Variants in FYCO1 observed in about 807,000 individuals in gnomAD.
The protein encoded by FYCO1 is FYVE and coiled-coil domain autophagy adaptor 1, also known as FYVE and coiled-coil domain-containing protein 1.
In FYCO1, 122 loss-of-function variants were observed where a neutral mutation model predicts 165.1. That is an observed-to-expected ratio of 0.74 (90% CI 0.64 to 0.86). The LOEUF is 0.86. Ranked by LOEUF, FYCO1 falls within the 40% of genes least tolerant of loss-of-function variation. FYCO1 has a pLI of 0.00. For synonymous variants in FYCO1, 648 were observed against 742.5 expected (o/e 0.87, Z 2.07); for missense variants, 1,702 against 1,810.3 (o/e 0.94, Z 1.09).
chr3:45,966,523 T>C lies in FYCO1; in HGVS notation c.2811A>G (p.Lys937=), dbSNP rs1706027082. 1 of 1,613,232 alleles carries C rather than the reference T, an allele frequency of 6.2e-7. No homozygotes were observed. The highest frequency in any genetic ancestry group is 1.1e-5 in the South Asian group (1 of 91,078). The change falls in exon 8 of 18, where the codon AAA becomes AAG. Residue 937 remains lysine, a synonymous_variant. Transcript: ENST00000296137. ...CCTCTCGCTCCCTTGAGGCTGCCTCTTTGGCGTCCTGGAGCTCCTGGACAG... is the reference window on the plus strand; with the variant it reads ...CCTCTCGCTCCCTTGAGGCTGCCTCCTTGGCGTCCTGGAGCTCCTGGACAG... The part of the protein sequence containing the change: ...ACAVQELQDA[K]EAASREREGL...
At chr3:45,930,973 G>A (rs1703575614) in intron 16 of FYCO1, 98 bp downstream of exon 16, 1 of 1,107,574 alleles carries the variant, frequency 9.0e-7, no homozygotes, top group Non-Finnish European at 1.4e-6. Flanking sequence ...GGCCTGCCCA[G>A]CAGAGGATAG....
chr3:45,946,994 T>C, intron 14 of FYCO1: 1 of 1,614,260 alleles, frequency 6.2e-7, no homozygotes. Flanking sequence ...TCTATGGCAA[T>C]GTCTTTAATC....
At chr3:45,983,196 G>C (rs986661465) in intron 2 of FYCO1, among the ~76,000 whole-genome samples, 12 of 152,272 alleles carry the variant, frequency 7.9e-5, no homozygotes, top group African/African-American at 2.6e-4. Context: ...CATTTTCGAG[G>C]GTTAAAAGAG....
intron 14 of FYCO1, among the ~76,000 whole-genome samples, chr3:45,951,933 A>C (rs1055620367): frequency 6.6e-6 from 1 of 152,220 alleles, no homozygotes; most frequent in African/African-American, 2.4e-5. Flanking sequence ...GAAAGAGAGA[A>C]CATGAAGGCA....
At chr3:45,939,741 C>G (rs1456297850) in intron 14 of FYCO1, among the ~76,000 whole-genome samples, 1 of 152,194 alleles carries the variant, frequency 6.6e-6, no homozygotes, top group Non-Finnish European at 1.5e-5. Context: ...TGGTCAGCCT[C>G]CATTTGTGAA....
At chr3:45,991,929 A>G (rs1707579552) in intron 1 of FYCO1, among the ~76,000 whole-genome samples, 1 of 152,142 alleles carries the variant, frequency 6.6e-6, no homozygotes, top group African/African-American at 2.4e-5. Context: ...GTGAGTTTAT[A>G]AGGGGAATTC....
At chr3:45,941,662 T>G (rs1704234189) in intron 14 of FYCO1, among the ~76,000 whole-genome samples, 1 of 152,220 alleles carries the variant, frequency 6.6e-6, no homozygotes, top group African/African-American at 2.4e-5. Context: ...CAAGCCATGC[T>G]TTCTCAAATA....
At chr3:45,959,968 A>G (rs1005943629) in intron 11 of FYCO1, among the ~76,000 whole-genome samples, 5 of 152,182 alleles carry the variant, frequency 3.3e-5, no homozygotes, top group Admixed American at 2.6e-4. Context: ...TTATGTTTCT[A>G]TGGTTGATCC....
chr3:45,986,135 G>A (rs1257259342), intron 1 of FYCO1, among the ~76,000 whole-genome samples: 1 of 152,182 alleles, frequency 6.6e-6, no homozygotes, highest in Non-Finnish European at 1.5e-5. Context: ...TTTAGGCCAC[G>A]GGCCAGTAAG....
chr3:45,928,679 C>T (rs1194776937), intron 16 of FYCO1, among the ~76,000 whole-genome samples: 1 of 152,190 alleles, frequency 6.6e-6, no homozygotes, highest in East Asian at 1.9e-4. Context: ...TTCTGGTTTC[C>T]TCCACTGTGG....
intron 14 of FYCO1, among the ~76,000 whole-genome samples, chr3:45,952,613 G>C (rs1477926252): frequency 6.6e-6 from 1 of 152,126 alleles, no homozygotes; most frequent in Non-Finnish European, 1.5e-5. Flanking sequence ...CCTTTCCCTG[G>C]AACAGTTCCT....
At chr3:45,976,847 A>G (rs945894509) in intron 4 of FYCO1, among the ~76,000 whole-genome samples, 2 of 152,222 alleles carry the variant, frequency 1.3e-5, no homozygotes, top group African/African-American at 4.8e-5. Flanking sequence ...TTTAAAAAAC[A>G]AAAAGGTGTT....
chr3:45,954,711 C>T (rs1468061994), intron 14 of FYCO1, among the ~76,000 whole-genome samples: 1 of 152,112 alleles, frequency 6.6e-6, no homozygotes, highest in Non-Finnish European at 1.5e-5. Flanking sequence ...AAGATGATGC[C>T]GCTAGGGTGG....
Position 45,964,989 on chromosome 3 carries a change from A to C in FYCO1, c.3150+44T>G. 1 of 1,527,522 alleles carries C rather than the reference A, an allele frequency of 6.5e-7. No individual in the cohort carries two copies. Among genetic ancestry groups the C allele is most frequent in the East Asian group, 2.3e-5 (1 of 44,324 alleles). The allele number at this position is 1,527,522 out of a possible 1,614,324, so 94.6% of individuals were successfully genotyped here. On this transcript the variant is annotated intron_variant, in intron 9 of 17. Transcript: ENST00000296137. The surrounding 1 kb of genome is among the most constrained non-coding windows in gnomAD (Gnocchi z 4.1). ...TCTTAAATGGTCCAGTCAAAACCACACCAGATGCCCTCTCCCTGACAGGTC... is the reference window on the plus strand; with the variant it reads ...TCTTAAATGGTCCAGTCAAAACCACCCCAGATGCCCTCTCCCTGACAGGTC...
At chr3:45,981,913 T>C (rs1352038303) in intron 2 of FYCO1, among the ~76,000 whole-genome samples, 1 of 152,244 alleles carries the variant, frequency 6.6e-6, no homozygotes, top group African/African-American at 2.4e-5. Flanking sequence ...TTGTTCACCC[T>C]TGTCTGTCCA....
chr3:45,951,879 G>T (rs1705053797), intron 14 of FYCO1, among the ~76,000 whole-genome samples: 1 of 152,192 alleles, frequency 6.6e-6, no homozygotes, highest in Admixed American at 6.5e-5. Flanking sequence ...AGGAGGAGGG[G>T]CAAGGCAAAC....
At chr3:45,961,675 T>C (rs1382049123) in intron 11 of FYCO1, among the ~76,000 whole-genome samples, 2 of 152,184 alleles carry the variant, frequency 1.3e-5, no homozygotes, top group African/African-American at 2.4e-5. Context: ...TGTCTGGGAT[T>C]TGCTTCAAAA....
intron 11 of FYCO1, 141 bp from the exon 12 acceptor site, chr3:45,959,683 G>C: frequency 1.1e-6 from 1 of 900,348 alleles, no homozygotes; most frequent in Non-Finnish European, 1.8e-6. Context: ...ATATGCCCCA[G>C]CCCATGCTAA....
chr3:45,966,804 C>G lies in FYCO1; in HGVS notation c.2530G>C (p.Glu844Gln). 6.2e-7 allele frequency: 1 copy of G among 1,610,264 alleles called. No individual in the cohort carries two copies. Among genetic ancestry groups the G allele is most frequent in the African/African-American group, 1.3e-5 (1 of 75,072 alleles). The change falls in exon 8 of 18, where the codon GAG becomes CAG. Residue 844 changes from glutamate (E) to glutamine (Q), a missense_variant. Coordinates refer to ENST00000296137, the MANE Select transcript of FYCO1 (RefSeq NM_024513.4). ...TCACGCTCCGAGCATTGCAGCAGCT[C>G]CTGGACATGGGCTCTGTTAAGGGCT... ...NEALNRAHVQELLQCSEREGA... is the reference protein window; with the variant it reads ...NEALNRAHVQQLLQCSEREGA...
Sources: allele counts gnomAD v4.1 joint callset (sites outside exome capture counted in the v4.1 genomes callset), GRCh38; gene constraint gnomAD v4.1.1; non-coding constraint Gnocchi (gnomAD v3.1); transcripts MANE v1.5; gene names NCBI Gene and HGNC (gene_info 2026-07-23, HGNC 2026-07-21).